CHSY1: variants seen among roughly 807,000 people sequenced by gnomAD.
The protein encoded by CHSY1 is chondroitin sulfate synthase 1, also known as N-acetylgalactosaminyl-proteoglycan 3-beta-glucuronosyltransferase 1.
CHSY1 carries 13 observed loss-of-function variants against 59.8 expected under a neutral mutation model. That is an observed-to-expected ratio of 0.22 (90% CI 0.14 to 0.35). CHSY1 has a LOEUF of 0.35. Ranked by LOEUF, CHSY1 falls within the 10% of genes least tolerant of loss-of-function variation. The pLI is 1.00. For synonymous variants in CHSY1, 459 were observed against 401.2 expected (o/e 1.14, Z -1.72); for missense variants, 947 against 1,030.6 (o/e 0.92, Z 1.11).
At chr15:101,193,045 G>A (rs2038464822) in intron 2 of CHSY1, among the ~76,000 whole-genome samples, 1 of 152,216 alleles carries the variant, frequency 6.6e-6, no homozygotes, top group South Asian at 2.1e-4. Flanking sequence ...GTAATCCGAC[G>A]AGGTAGCTCT....
intron 2 of CHSY1, among the ~76,000 whole-genome samples, chr15:101,216,518 C>T (rs549468347): frequency 5.8e-4 from 88 of 152,278 alleles, no homozygotes; most frequent in Middle Eastern, 3.4e-3. Context: ...ATGGTACATC[C>T]GTACGATGGA....
At chr15:101,249,276 C>T (rs2039082986) in intron 1 of CHSY1, among the ~76,000 whole-genome samples, 1 of 151,594 alleles carries the variant, frequency 6.6e-6, no homozygotes, top group South Asian at 2.1e-4. Context: ...ACTGTGATTT[C>T]ACATGGTCTA....
intron 2 of CHSY1, among the ~76,000 whole-genome samples, chr15:101,227,495 G>C (rs1392521444): frequency 6.6e-6 from 1 of 152,140 alleles, no homozygotes; most frequent in Non-Finnish European, 1.5e-5. Context: ...CAAAAAAACA[G>C]GCTAAATAAA....
chr15:101,193,984 C>T (rs930654179), intron 2 of CHSY1, among the ~76,000 whole-genome samples: 3 of 152,256 alleles, frequency 2.0e-5, no homozygotes, highest in Non-Finnish European at 4.4e-5. Context: ...CCCTCTACCA[C>T]CTTCTTCCTC....
At chr15:101,198,429 G>GT (rs1158775336) in intron 2 of CHSY1, among the ~76,000 whole-genome samples, 3 of 152,090 alleles carry the variant, frequency 2.0e-5, no homozygotes, top group Non-Finnish European at 4.4e-5. Flanking sequence ...TGGCCCTCTC[G>GT]TAAGTCTTAA....
chr15:101,250,725 G>C (rs1357434905), intron 1 of CHSY1, among the ~76,000 whole-genome samples: 2 of 152,204 alleles, frequency 1.3e-5, no homozygotes, highest in African/African-American at 2.4e-5. Context: ...AGCTTTGCAA[G>C]GACAAAGGTG....
At chr15:101,184,337 G>C (rs528855436) in intron 2 of CHSY1, among the ~76,000 whole-genome samples, 1 of 151,976 alleles carries the variant, frequency 6.6e-6, no homozygotes, top group Non-Finnish European at 1.5e-5. Context: ...AGTACCTTCC[G>C]GCTAAACTCT....
chr15:101,216,509 T>A (rs1053534080), intron 2 of CHSY1, among the ~76,000 whole-genome samples: 11 of 152,354 alleles, frequency 7.2e-5, no homozygotes, highest in Middle Eastern at 3.4e-3. Context: ...TGAACAGATA[T>A]GGTACATCCG....
chr15:101,233,899 T>C (rs944348199), intron 2 of CHSY1, among the ~76,000 whole-genome samples: 1 of 152,192 alleles, frequency 6.6e-6, no homozygotes, highest in African/African-American at 2.4e-5. Flanking sequence ...AGAACATTAG[T>C]TCAGAAAAAA....
At chr15:101,249,967 CCA>C (rs1293930475) in intron 1 of CHSY1, among the ~76,000 whole-genome samples, 2 of 152,176 alleles carry the variant, frequency 1.3e-5, no homozygotes, top group Non-Finnish European at 2.9e-5. Flanking sequence ...TCACTGAAGA[CCA>C]CTTTCACCTT....
chr15:101,231,764 C>A (rs910945776), intron 2 of CHSY1, among the ~76,000 whole-genome samples: 1 of 152,202 alleles, frequency 6.6e-6, no homozygotes, highest in African/African-American at 2.4e-5. Flanking sequence ...TTACTTAAGT[C>A]AATTTTCTTT....
chr15:101,248,289 C>T (rs980968186), intron 1 of CHSY1, among the ~76,000 whole-genome samples: 10 of 152,190 alleles, frequency 6.6e-5, no homozygotes, highest in Non-Finnish European at 2.9e-5. Flanking sequence ...CTATAACCTC[C>T]ATCCCAATTG....
chr15:101,181,315 G>A (rs2038275949), intron 2 of CHSY1, among the ~76,000 whole-genome samples: 2 of 152,316 alleles, frequency 1.3e-5, no homozygotes, highest in Admixed American at 6.5e-5. Context: ...TGACAATTCC[G>A]GCAGAGATTC....
intron 2 of CHSY1, among the ~76,000 whole-genome samples, chr15:101,194,695 C>A (rs1275005488): frequency 6.6e-6 from 1 of 152,214 alleles, no homozygotes; most frequent in Non-Finnish European, 1.5e-5. Context: ...CTGCATGCTA[C>A]ATGATCTCCA....
chr15:101,247,616 T>C lies in CHSY1; in HGVS notation c.320+3521A>G, dbSNP rs140808587. Among the ~76,000 whole-genome samples, 246 of 152,318 alleles carry C rather than the reference T, an allele frequency of 1.6e-3. 4 individuals are homozygous for C. The East Asian group carries it at 0.042, about 26-fold the overall frequency. On this transcript the variant is annotated intron_variant, in intron 1 of 2. Coordinates refer to ENST00000254190, the MANE Select transcript of CHSY1 (RefSeq NM_014918.5). ...GGATCACTCCTATTAACTCCACAGC[T>C]ACTGTGTCACTCAGGGCCTCCAAAG...
chr15:101,238,176 A>G (rs1446903931), intron 1 of CHSY1, among the ~76,000 whole-genome samples: 1 of 152,240 alleles, frequency 6.6e-6, no homozygotes, highest in Admixed American at 6.5e-5. Context: ...TACATAACAT[A>G]AAACTTACCA....
chr15:101,193,445 T>C (rs1394660783), intron 2 of CHSY1, among the ~76,000 whole-genome samples: 1 of 152,068 alleles, frequency 6.6e-6, no homozygotes, highest in Non-Finnish European at 1.5e-5. Context: ...TTTCAGAACA[T>C]TCATTTCTTC....
At chr15:101,236,626 CCTGT>C (rs1567106838) in intron 1 of CHSY1, among the ~76,000 whole-genome samples, 4 of 151,896 alleles carry the variant, frequency 2.6e-5, no homozygotes, top group African/African-American at 7.3e-5. Context: ...TTGAGACCAT[CCTGT>C]CTAACACGGT....
chr15:101,238,945 G>A (rs530723249), intron 1 of CHSY1, among the ~76,000 whole-genome samples: 48 of 152,304 alleles, frequency 3.2e-4, no homozygotes, highest in African/African-American at 1.1e-3. Flanking sequence ...GCGACAATGT[G>A]TGAATGTGTG....
Sources: allele counts gnomAD v4.1 joint callset (sites outside exome capture counted in the v4.1 genomes callset), GRCh38; gene constraint gnomAD v4.1.1; transcripts MANE v1.5; gene names NCBI Gene and HGNC (gene_info 2026-07-23, HGNC 2026-07-21).